Variants in KREMEN1 observed in about 807,000 individuals in gnomAD.
KREMEN1 encodes the protein kringle containing transmembrane protein 1, also known as kremen protein 1.
In KREMEN1, 30 loss-of-function variants were observed where a neutral mutation model predicts 46.5. The ratio of observed to expected loss-of-function variants is 0.65; its 90% CI spans 0.48 to 0.88. The LOEUF (loss-of-function observed/expected upper bound fraction) is 0.88, where lower values mean the gene tolerates loss of function less well. Among genes scored for constraint, KREMEN1 ranks in the 40% least tolerant of loss-of-function variants. The probability of loss-of-function intolerance (pLI) is 0.00; values close to 1 mark genes in which losing one functional copy is unlikely to be tolerated. For synonymous variants in KREMEN1, 214 were observed against 230.6 expected, an observed-to-expected ratio of 0.93 and a Z score of 0.65; for missense variants, 533 against 596.9, an observed-to-expected ratio of 0.89 and a Z score of 1.11.
intron 1 of KREMEN1, among the ~76,000 whole-genome samples, chr22:29,083,654 A>AGAACATG (rs1289341222): frequency 4.6e-5 from 7 of 152,264 alleles, no homozygotes; most frequent in African/African-American, 1.7e-4. Flanking sequence ...GAACATGGGG[A>AGAACATG]AACCCTGTCT....
At chr22:29,111,298 C>T (rs1338161459) in intron 3 of KREMEN1, among the ~76,000 whole-genome samples, 3 of 148,530 alleles carry the variant, frequency 2.0e-5, no homozygotes, top group Non-Finnish European at 4.4e-5. Context: ...CAGAGTGAGA[C>T]CCTGTCTCTA....
rs1426784721 is a variant in KREMEN1 at position 29,138,752 on chromosome 22, A to G, written c.1093A>G (p.Ser365Gly). The G allele has an allele frequency of 1.2e-6, 2 of 1,614,082 alleles. No homozygotes were observed. The highest frequency in any genetic ancestry group is 2.7e-5 in the African/African-American group (2 of 74,940). ...SSKVLYVITT[S>G]PSHPPQTVPG... is the part of the protein sequence containing the mutation. ...CAAAGTCCTCTATGTCATCACCACC[A>G]GCCCCAGCCACCCACCTCAGACTGT... is the stretch of plus-strand genomic sequence containing the variant. Residue 365 changes from serine (S) to glycine (G), a missense_variant, in exon 7 of 9, where the codon AGC becomes GGC. By Grantham distance (56) the Ser-to-Gly change is moderately conservative. Transcript: ENST00000400335.
rs367866685 is a variant in KREMEN1 at position 29,120,006 on chromosome 22, A to G, written c.353-1351A>G. 8.5e-4 allele frequency among the ~76,000 whole-genome samples: 116 copies of G among 136,990 alleles called. 1 individual carries two copies. Among genetic ancestry groups the G allele is most frequent in the East Asian group, 3.8e-3 (18 of 4,710 alleles). 89.9% of individuals were successfully genotyped at this position (136,990 alleles called of 152,430 possible). On this transcript the variant is annotated intron_variant, in intron 3 of 8. Transcript: ENST00000400335. ...TGACAATGGAAACAGAGGGAGGAAG[A>G]AGAGGTGATGAAGGAAACAGAGGGA... is the stretch of plus-strand genomic sequence containing the variant.
At chr22:29,079,032 A>G (rs146624810) in intron 1 of KREMEN1, among the ~76,000 whole-genome samples, 6 of 152,308 alleles carry the variant, frequency 3.9e-5, no homozygotes, top group South Asian at 4.1e-4. Flanking sequence ...TCTTATCTTC[A>G]TAGTTGTCCT....
At chr22:29,121,085 T>C (rs779404785) in intron 3 of KREMEN1, among the ~76,000 whole-genome samples, 47 of 144,940 alleles carry the variant, frequency 3.2e-4, no homozygotes, top group Admixed American at 1.1e-3. Flanking sequence ...CTAAATCCTA[T>C]CAATATTAAA....
intron 5 of KREMEN1, chr22:29,133,886 T>G (rs915913204): frequency 1.3e-5 from 2 of 152,228 alleles, no homozygotes; most frequent in African/African-American, 2.4e-5. Flanking sequence ...AGCTCTGTTC[T>G]CTTTGTTTCA....
At chr22:29,121,768 C>G (rs1275289475) in intron 4 of KREMEN1, among the ~76,000 whole-genome samples, 1 of 152,126 alleles carries the variant, frequency 6.6e-6, no homozygotes, top group East Asian at 1.9e-4. Flanking sequence ...GCAGTGACTG[C>G]ACAACACAGT....
downstream of KREMEN1, among the ~76,000 whole-genome samples, chr22:29,148,224 G>C (rs2038886821): frequency 6.6e-6 from 1 of 152,196 alleles, no homozygotes; most frequent in Non-Finnish European, 1.5e-5. Context: ...TGGACAGACA[G>C]CCTGAGCCCC....
chr22:29,095,897 C>T (rs1411763255), intron 2 of KREMEN1, among the ~76,000 whole-genome samples: 1 of 152,042 alleles, frequency 6.6e-6, no homozygotes, highest in Non-Finnish European at 1.5e-5. Flanking sequence ...TTCTCCAACA[C>T]CACAAATATA....
intron 3 of KREMEN1, among the ~76,000 whole-genome samples, chr22:29,109,873 TGA>T (rs1426169399): frequency 6.6e-6 from 1 of 152,114 alleles, no homozygotes; most frequent in African/African-American, 2.4e-5. Context: ...CAGAACTTGT[TGA>T]CAAGTGGAAT....
At chr22:29,166,673 T>C (rs2039055098) in intron 9 of KREMEN1, among the ~76,000 whole-genome samples, 1 of 152,140 alleles carries the variant, frequency 6.6e-6, no homozygotes, top group African/African-American at 2.4e-5. Context: ...GCGCGGTAGC[T>C]CACACCTGTA....
chr22:29,099,005 G>T, intron 3 of KREMEN1, 52 bp downstream of exon 3: 1 of 1,366,150 alleles, frequency 7.3e-7, no homozygotes, highest in Non-Finnish European at 1.0e-6. Flanking sequence ...AACACTAAGA[G>T]TGCGTAGAGG....
Position 29,144,001 on chromosome 22 carries a change from C to T in KREMEN1, c.*1889C>T, listed in dbSNP as rs2038813691. On this transcript the variant is annotated 3_prime_UTR_variant, in exon 9 of 9. Coordinates refer to ENST00000400335, the MANE Select transcript of KREMEN1 (RefSeq NM_001039570.3). ...GGCTGCTGGTTGGGAGAGTAAGTGC[C>T]ATCACTAATTTAAAAGTCCTTGCCA... The T allele has an allele frequency of 2.0e-6, 2 of 985,414 alleles. No homozygotes were observed. Among genetic ancestry groups the T allele is most frequent in the Non-Finnish European group, 2.4e-6 (2 of 830,006 alleles). The allele number at this position is 985,414 out of a possible 1,614,324, so 61.0% of individuals were successfully genotyped here.
At chr22:29,133,743 C>T (rs1223176103) in intron 5 of KREMEN1, among the ~76,000 whole-genome samples, 2 of 151,888 alleles carry the variant, frequency 1.3e-5, no homozygotes, top group South Asian at 2.1e-4. Context: ...TAGTTTGTCA[C>T]CTTTTACTGA....
In KREMEN1 at chr22:29,146,160, G is replaced by T; in HGVS notation, c.*4048G>T. ...GTTTCAGATCTCCCGTGTGGTGTTTGATGTCGGCTTTTGTTCCTACCTTGG... is the reference window on the plus strand; with the variant it reads ...GTTTCAGATCTCCCGTGTGGTGTTTTATGTCGGCTTTTGTTCCTACCTTGG... On this transcript the variant is annotated 3_prime_UTR_variant, in exon 9 of 9. Coordinates refer to ENST00000400335, the MANE Select transcript of KREMEN1 (RefSeq NM_001039570.3). The T allele has an allele frequency of 1.0e-6, 1 of 984,992 alleles. No homozygotes were observed. The highest frequency in any genetic ancestry group is 1.2e-6 in the Non-Finnish European group (1 of 829,946). The allele number at this position is 984,992 out of a possible 1,614,324, so 61.0% of individuals were successfully genotyped here.
Position 29,105,396 on chromosome 22 carries a change from G to C in KREMEN1, c.352+6443G>C, listed in dbSNP as rs1241924727. Among the ~76,000 whole-genome samples, 4 of 151,874 alleles carry C rather than the reference G, an allele frequency of 2.6e-5. No homozygotes were observed. In the South Asian group the frequency reaches 6.2e-4, roughly 24 times the overall value. ...TAGATGTTAGGGCTGGGTGGGTTGG[G>C]GTAGTAAGGGCATTGGAGGCAAAGG... On this transcript the variant is annotated intron_variant, in intron 3 of 8. Transcript: ENST00000400335.
At chr22:29,141,842 A>G in intron 8 of KREMEN1, 102 bp from the exon 9 acceptor site, 1 of 925,064 alleles carries the variant, frequency 1.1e-6, no homozygotes, top group Non-Finnish European at 1.6e-6. Context: ...GGTCCTTCCC[A>G]AGACCTTGCC....
intron 1 of KREMEN1, among the ~76,000 whole-genome samples, chr22:29,082,749 G>A (rs1043640343): frequency 2.6e-5 from 4 of 152,166 alleles, no homozygotes; most frequent in African/African-American, 9.7e-5. Flanking sequence ...GTGGCAGCAG[G>A]CACTGTGACT....
rs2037510041 is a variant in KREMEN1 at position 29,073,516 on chromosome 22, C to T, written c.97+289C>T. Among the ~76,000 whole-genome samples the T allele has an allele frequency of 6.6e-6, 1 of 151,942 alleles. No homozygotes were observed. The highest frequency in any genetic ancestry group is 2.1e-4 in the South Asian group (1 of 4,814). The stretch of plus-strand genomic sequence containing the variant: ...GAGGCCCTCTCCGCCTTGAGTCTTC[C>T]AAGACCCTCTGCGACGCCCCCCGGG... On this transcript the variant is annotated intron_variant, in intron 1 of 8. Coordinates refer to ENST00000400335, the MANE Select transcript of KREMEN1 (RefSeq NM_001039570.3). The surrounding 1 kb of genome is among the most constrained non-coding windows in gnomAD (Gnocchi z 4.4).
Sources: gnomAD v4.1 joint callset for allele counts (sites outside exome capture counted in the v4.1 genomes callset) on GRCh38, gnomAD v4.1.1 for gene constraint, Gnocchi (gnomAD v3.1) non-coding constraint, MANE v1.5 for transcripts, NCBI Gene and HGNC (gene_info 2026-07-23, HGNC 2026-07-21) for gene names.